PARD3B: variants seen among roughly 807,000 people sequenced by gnomAD.
PARD3B encodes the protein par-3 family cell polarity regulator beta.
PARD3B carries 103 observed loss-of-function variants against 130.2 expected under a neutral mutation model. The observed-to-expected ratio is 0.79, with a 90% CI of 0.67 to 0.93. The LOEUF (loss-of-function observed/expected upper bound fraction) is 0.93. PARD3B is among the 40% of genes least tolerant of loss of function. The pLI is 0.00. For missense variants in PARD3B, 1,609 were observed against 1,499.2 expected (o/e 1.07, Z -1.21); for synonymous variants, 583 against 553.2 (o/e 1.05, Z -0.76).
chr2:204,723,152 A>G (rs1282275267), intron 2 of PARD3B, among the ~76,000 whole-genome samples: 1 of 152,158 alleles, frequency 6.6e-6, no homozygotes, highest in Non-Finnish European at 1.5e-5. Flanking sequence ...TTTTCATGCC[A>G]ACACAAACTT....
chr2:205,297,484 T>G (rs2041838173), intron 16 of PARD3B, among the ~76,000 whole-genome samples: 1 of 152,098 alleles, frequency 6.6e-6, no homozygotes, highest in South Asian at 2.1e-4. Flanking sequence ...TTGTTGGAAT[T>G]TAACACTGAT....
intron 18 of PARD3B, among the ~76,000 whole-genome samples, chr2:205,305,201 C>T (rs1207415): frequency 0.9 from 136,291 of 152,178 alleles, 61,213 homozygotes; most frequent in Admixed American, 0.93. Flanking sequence ...ATCATTCCAG[C>T]TCATGTCACT....
intron 22 of PARD3B, among the ~76,000 whole-genome samples, chr2:205,553,905 A>T (rs2052762915): frequency 6.6e-6 from 1 of 151,600 alleles, no homozygotes; most frequent in Non-Finnish European, 1.5e-5. Context: ...GCACAGACCC[A>T]ACGGGGGAAA....
At chr2:205,068,728 A>G (rs950210067) in intron 4 of PARD3B, among the ~76,000 whole-genome samples, 1 of 152,276 alleles carries the variant, frequency 6.6e-6, no homozygotes, top group South Asian at 2.1e-4. Flanking sequence ...TTGATGCACA[A>G]TATTTTCATT....
At chr2:205,035,361 G>A (rs534370816) in intron 3 of PARD3B, among the ~76,000 whole-genome samples, 21 of 152,224 alleles carry the variant, frequency 1.4e-4, no homozygotes, top group African/African-American at 4.6e-4. Flanking sequence ...ACTAGCGTGG[G>A]AATTTTAATT....
rs1241879232 is a variant in PARD3B at position 204,673,685 on chromosome 2, G to A, written c.121-12496G>A. On this transcript the variant is annotated intron_variant, in intron 1 of 22. Transcript: ENST00000406610. This position sits in a 1 kb window ranked among gnomAD's most constrained non-coding sequence, Gnocchi z 4.7. The stretch of plus-strand genomic sequence containing the variant: ...CCTTATTTAAAAATACAAACTGCCT[G>A]TACTCCCCATCCTCCTCATCCTACT... 1.3e-5 allele frequency among the ~76,000 whole-genome samples: 2 copies of A among 152,094 alleles called. No homozygotes were observed. Among genetic ancestry groups the A allele is most frequent in the African/African-American group, 2.4e-5 (1 of 41,412 alleles).
rs563835013 is a variant in PARD3B, at chr2:204,913,019, G to A, written c.223-52133G>A. Among the ~76,000 whole-genome samples the A allele has an allele frequency of 2.1e-3, 314 of 152,240 alleles. 1 individual carries two copies. Among genetic ancestry groups the A allele is most frequent in the Non-Finnish European group, 3.6e-3 (247 of 68,002 alleles). On this transcript the variant is annotated intron_variant, in intron 2 of 22. Transcript: ENST00000406610. ...AATTTAGCCTACAGATAAAATGAAC[G>A]TCATATGTTTATAAAATGAATTTTC...
chr2:204,748,643 C>T lies in PARD3B; in HGVS notation c.222+62361C>T, dbSNP rs73060925. On this transcript the variant is annotated intron_variant, in intron 2 of 22. Coordinates refer to ENST00000406610, the MANE Select transcript of PARD3B (RefSeq NM_001302769.2). ...TATTAAAACACAGATTGCTGGTCCT[C>T]AACTCTAAACTATCTGATTCAGTGG... is the stretch of plus-strand genomic sequence containing the variant. 8.5e-3 allele frequency among the ~76,000 whole-genome samples: 1,301 copies of T among 152,164 alleles called. 20 individuals are homozygous for T. The highest frequency in any genetic ancestry group is 0.029 in the African/African-American group (1,210 of 41,518).
At chr2:205,488,919 T>C (rs2049556180) in intron 20 of PARD3B, among the ~76,000 whole-genome samples, 1 of 152,196 alleles carries the variant, frequency 6.6e-6, no homozygotes. Flanking sequence ...TCCAGCCATG[T>C]TAGAACAGCT....
intron 11 of PARD3B, among the ~76,000 whole-genome samples, chr2:205,168,114 GTCC>G (rs2034920282): frequency 6.6e-6 from 1 of 152,148 alleles, no homozygotes; most frequent in African/African-American, 2.4e-5. Flanking sequence ...TCTTTACTCT[GTCC>G]TCCTGATTCT....
intron 3 of PARD3B, among the ~76,000 whole-genome samples, chr2:204,996,455 C>T (rs911391923): frequency 8.5e-5 from 13 of 152,302 alleles, no homozygotes; most frequent in Admixed American, 2.6e-4. Flanking sequence ...TCTCCAGCTG[C>T]GTGCTGGGAG....
chr2:204,926,670 A>G (rs1687647117), intron 2 of PARD3B, among the ~76,000 whole-genome samples: 1 of 152,030 alleles, frequency 6.6e-6, no homozygotes, highest in Non-Finnish European at 1.5e-5. Context: ...GCAGTTTTGA[A>G]GTTTCCTCAG....
intron 2 of PARD3B, among the ~76,000 whole-genome samples, chr2:204,783,175 A>G (rs2041897567): frequency 6.6e-6 from 1 of 152,194 alleles, no homozygotes; most frequent in Admixed American, 6.5e-5. Flanking sequence ...CAATGGAGAC[A>G]ATGCAGTTTA....
chr2:204,840,193 A>G (rs2044209964), intron 2 of PARD3B, among the ~76,000 whole-genome samples: 1 of 152,232 alleles, frequency 6.6e-6, no homozygotes, highest in African/African-American at 2.4e-5. Context: ...CTGAATATAA[A>G]TTGAAGGGTC....
chr2:204,807,550 T>A (rs2042814562), intron 2 of PARD3B, among the ~76,000 whole-genome samples: 1 of 152,146 alleles, frequency 6.6e-6, no homozygotes, highest in Non-Finnish European at 1.5e-5. Flanking sequence ...ACTCTCATGT[T>A]TATTGCAGCA....
chr2:205,363,457 G>T (rs755208766), intron 18 of PARD3B, among the ~76,000 whole-genome samples: 10 of 152,282 alleles, frequency 6.6e-5, no homozygotes, highest in Non-Finnish European at 1.3e-4. Flanking sequence ...GACATACGAA[G>T]CATTTAGTAT....
Position 205,407,257 on chromosome 2 carries a change from A to T in PARD3B, c.2741+6134A>T, listed in dbSNP as rs936123524. ...GATGTGTCACCTCCTGTTACAAGTCAAACAGTCTATTGCAATGAAGCCCTG... is the reference window on the plus strand; with the variant it reads ...GATGTGTCACCTCCTGTTACAAGTCTAACAGTCTATTGCAATGAAGCCCTG... On this transcript the variant is annotated intron_variant, in intron 19 of 22. Coordinates refer to ENST00000406610, the MANE Select transcript of PARD3B (RefSeq NM_001302769.2). The surrounding 1 kb of genome is among the most constrained non-coding windows in gnomAD (Gnocchi z 4.1). Among the ~76,000 whole-genome samples, 1 of 152,136 alleles carries T rather than the reference A, an allele frequency of 6.6e-6. No homozygotes were observed. The highest frequency in any genetic ancestry group is 1.5e-5 in the Non-Finnish European group (1 of 68,000).
chr2:204,693,714 C>G (rs1242863067), intron 2 of PARD3B, among the ~76,000 whole-genome samples: 1 of 152,052 alleles, frequency 6.6e-6, no homozygotes, highest in Admixed American at 6.6e-5. Flanking sequence ...TCTAAACCCA[C>G]TTCAACCGCA....
intron 1 of PARD3B, among the ~76,000 whole-genome samples, chr2:204,649,972 C>G (rs997907885): frequency 1.3e-5 from 2 of 152,006 alleles, no homozygotes; most frequent in African/African-American, 4.8e-5. Flanking sequence ...ACAGAGTAAA[C>G]AGATAACCTA....
Sources: allele counts gnomAD v4.1 joint callset (sites outside exome capture counted in the v4.1 genomes callset), GRCh38; gene constraint gnomAD v4.1.1; non-coding constraint Gnocchi (gnomAD v3.1); transcripts MANE v1.5; gene names NCBI Gene and HGNC (gene_info 2026-07-23, HGNC 2026-07-21).